The following MCM4 variants were observed in gnomAD, a reference collection of about 807,000 sequenced individuals.
The protein encoded by MCM4 is minichromosome maintenance complex component 4, also known as DNA replication licensing factor MCM4.
Under a neutral mutation model 88.7 loss-of-function variants are expected in MCM4, and 60 were observed. That is an observed-to-expected ratio of 0.68 (90% CI 0.55 to 0.84). The LOEUF is 0.84. Among genes scored for constraint, MCM4 ranks in the 40% least tolerant of loss-of-function variants. The pLI, the probability that MCM4 is intolerant of heterozygous loss-of-function variation, is 0.00. For missense variants in MCM4, 1,149 were observed against 1,105.5 expected (o/e 1.04, Z -0.56); for synonymous variants, 465 against 410.5 (o/e 1.13, Z -1.61).
chr8:47,964,440 C>T (rs1012816224), intron 7 of MCM4, 134 bp from the exon 8 acceptor site: 23 of 558,406 alleles, frequency 4.1e-5, no homozygotes, highest in East Asian at 3.7e-4. Context: ...GAAAACAGCA[C>T]GTGCATGATT....
rs886062980 is a variant in MCM4, at chr8:47,976,991, C to G, written c.*213C>G. The stretch of plus-strand genomic sequence containing the variant: ...AAATAAAAATACTATGCTGGCCGGG[C>G]GCGGTGGCTCACACCTGTAATCCCA... On this transcript the variant is annotated 3_prime_UTR_variant, in exon 17 of 17. Transcript: ENST00000649973. 1 of 370,078 alleles carries G rather than the reference C, an allele frequency of 2.7e-6. No individual in the cohort carries two copies. Among genetic ancestry groups the G allele is most frequent in the Non-Finnish European group, 5.1e-6 (1 of 194,342 alleles). 22.9% of individuals were successfully genotyped at this position (370,078 alleles called of 1,614,324 possible). A position where few individuals can be genotyped will look rare whatever the true frequency, so the allele number is the denominator to read the frequency against.
At chr8:47,964,744 G>A in intron 8 of MCM4, 32 bp downstream of exon 8, 2 of 1,515,508 alleles carry the variant, frequency 1.3e-6, no homozygotes, top group Non-Finnish European at 8.8e-7. Context: ...TACTTTTGTT[G>A]AAGGAAAATG....
intron 14 of MCM4, 113 bp downstream of exon 14, chr8:47,973,177 C>A: frequency 9.8e-7 from 1 of 1,021,086 alleles, no homozygotes; most frequent in South Asian, 1.6e-5. Flanking sequence ...ATACTGTTCT[C>A]TTCCTTGTTT....
intron 5 of MCM4, 56 bp from the exon 6 acceptor site, chr8:47,962,708 G>A: frequency 2.1e-6 from 2 of 938,170 alleles, no homozygotes; most frequent in South Asian, 3.0e-5. Flanking sequence ...TGTGTTTTTA[G>A]TAGTTGCCTG....
intron 13 of MCM4, among the ~76,000 whole-genome samples, chr8:47,972,338 C>G (rs1168337000): frequency 6.6e-6 from 1 of 151,950 alleles, no homozygotes; most frequent in Non-Finnish European, 1.5e-5. Flanking sequence ...CAGCCGTTCC[C>G]TGGGCCGACC....
Position 47,970,815 on chromosome 8 carries a change from A to T in MCM4, c.1739A>T (p.Asn580Ile). Residue 580 changes from asparagine to isoleucine, a missense_variant, in exon 12 of 17, where the codon AAT (asparagine) becomes ATT (isoleucine). Asn to Ile is a moderately radical substitution (Grantham distance 149, BLOSUM62 -3). Transcript: ENST00000649973. Reference protein sequence around the residue: ...ICCIDEFDKMNESTRSVLHEV... With the variant: ...ICCIDEFDKMIESTRSVLHEV... ...TGTATCGATGAGTTCGACAAGATGA[A>T]TGAAAGTACAAGATCGGTATTGCAT... 1 of 1,613,578 alleles carries T rather than the reference A, an allele frequency of 6.2e-7. No homozygotes were observed. Among genetic ancestry groups the T allele is most frequent in the South Asian group, 1.1e-5 (1 of 91,044 alleles).
chr8:47,967,266 A>G (rs1442851473), intron 9 of MCM4, 99 bp from the exon 10 acceptor site: 6 of 1,295,062 alleles, frequency 4.6e-6, no homozygotes, highest in African/African-American at 1.5e-5. Context: ...GGGGATATGC[A>G]CTGCAGCCTT....
At chr8:47,971,301 GTCA>G (rs760655474) in intron 12 of MCM4, 37 bp from the exon 13 acceptor site, 1 of 1,611,418 alleles carries the variant, frequency 6.2e-7, no homozygotes, top group Non-Finnish European at 8.5e-7. Flanking sequence ...AATTGCCAGC[GTCA>G]GGGAGAGGCT....
chr8:47,974,405 C>G (rs2090982732), intron 14 of MCM4: 1 of 290,812 alleles, frequency 3.4e-6, no homozygotes, highest in African/African-American at 2.1e-5. Flanking sequence ...CTTCTCCTCT[C>G]CCCACATGCC....
intron 16 of MCM4, among the ~76,000 whole-genome samples, chr8:47,976,422 T>C (rs1323855835): frequency 6.6e-6 from 1 of 152,194 alleles, no homozygotes; most frequent in African/African-American, 2.4e-5. Context: ...AACTATGCAG[T>C]CTTTCAGTGC....
chr8:47,970,391 C>T, intron 11 of MCM4, 120 bp from the exon 12 acceptor site: 2 of 1,312,082 alleles, frequency 1.5e-6, no homozygotes, highest in Non-Finnish European at 2.1e-6. Context: ...CCTTTTTATA[C>T]CTTCCTGTGA....
rs1589829084 is a variant in MCM4 at position 47,964,682 on chromosome 8, A to G, written c.802A>G (p.Thr268Ala). ...IQVRPFNALK[T>A]KNMRNLNPED... is the part of the protein sequence containing the mutation. ...AGTAAGACCATTCAACGCATTGAAG[A>G]CTAAGAATATGAGAAACCTGAATCC... Residue 268 changes from threonine (T) to alanine (A), a missense_variant, in exon 8 of 17, where the codon ACT (threonine) becomes GCT (alanine). By Grantham distance (58) the Thr-to-Ala change is moderately conservative. Transcript: ENST00000649973. 1.9e-6 allele frequency: 3 copies of G among 1,590,262 alleles called. No individual in the cohort carries two copies. The highest frequency in any genetic ancestry group is 1.2e-5 in the South Asian group (1 of 86,250).
At chr8:47,969,192 G>A (rs1207850642) in intron 10 of MCM4, 3 of 154,152 alleles carry the variant, frequency 1.9e-5, no homozygotes, top group Non-Finnish European at 4.3e-5. Flanking sequence ...CACGTCCTCG[G>A]GTCTATCATT....
In MCM4 at chr8:47,961,092, G is replaced by A. The variant is rs2090820585; in HGVS notation, c.-14-39G>A. The A allele has an allele frequency of 1.3e-6, 2 of 1,507,414 alleles. No individual in the cohort carries two copies. The allele number at this position is 1,507,414 out of a possible 1,614,324, so 93.4% of individuals were successfully genotyped here. ...CGCTGCGGAGCAGGGCAGGGAAGCCGGGAGGCGGGCCCGGCCCGAGCTTGT... is the reference window on the plus strand; with the variant it reads ...CGCTGCGGAGCAGGGCAGGGAAGCCAGGAGGCGGGCCCGGCCCGAGCTTGT... On this transcript the variant is annotated intron_variant, in intron 1 of 16. Coordinates refer to ENST00000649973, the MANE Select transcript of MCM4 (RefSeq NM_182746.3).
Position 47,961,024 on chromosome 8 carries a change from CG to C in MCM4, c.-15+11del. On this transcript the variant is annotated intron_variant, in intron 1 of 16. Coordinates refer to ENST00000649973, the MANE Select transcript of MCM4 (RefSeq NM_182746.3). ...CGGCCGCCTTTCCACGGTAACCGCGCGCCGGCGGGGAGGGCGTGGCGCGGAG... is the reference window on the plus strand; with the variant it reads ...CGGCCGCCTTTCCACGGTAACCGCGCCCGGCGGGGAGGGCGTGGCGCGGAG... 3.6e-6 allele frequency: 4 copies of C among 1,096,778 alleles called. No individual in the cohort carries two copies. Among genetic ancestry groups the C allele is most frequent in the Non-Finnish European group, 4.9e-6 (4 of 816,646 alleles). 67.9% of individuals were successfully genotyped at this position (1,096,778 alleles called of 1,614,324 possible).
At chr8:47,976,184 T>C (rs536279676) in intron 16 of MCM4, among the ~76,000 whole-genome samples, 173 of 151,774 alleles carry the variant, frequency 1.1e-3, no homozygotes, top group African/African-American at 4.0e-3. Context: ...TCCTAGCTAC[T>C]CAGGAGGCTT....
In MCM4 at chr8:47,961,179, G is replaced by A. The variant is rs1589826140; in HGVS notation, c.35G>A (p.Gly12Asp). The A allele has an allele frequency of 6.5e-7, 1 of 1,550,004 alleles. No individual in the cohort carries two copies. The highest frequency in any genetic ancestry group is 8.6e-7 in the Non-Finnish European group (1 of 1,158,184). ...SSPASTPSRR[G>D]SRRGRATPAQ... The stretch of plus-strand genomic sequence containing the variant: ...CCGGCGTCGACCCCGAGCCGCCGCG[G>A]CAGCCGGCGTGGAAGGGCCACCCCC... Residue 12 changes from glycine (G) to aspartate (D), a missense_variant, in exon 2 of 17, where the codon GGC (glycine) becomes GAC (aspartate). By Grantham distance (94) the Gly-to-Asp change is moderately conservative. Coordinates refer to ENST00000649973, the MANE Select transcript of MCM4 (RefSeq NM_182746.3).
chr8:47,971,486 TA>T lies in MCM4; in HGVS notation c.1928+19del, dbSNP rs1399722426. 5.6e-6 allele frequency: 9 copies of T among 1,612,796 alleles called. No homozygotes were observed. The Admixed American group carries it at 1.0e-4, about 18-fold the overall frequency. ...TTATCAAGGTATTAAAACAGATTTT[TA>T]TTTTGTTCATTTGTAGAATATTCAG... On this transcript the variant is annotated intron_variant, in intron 13 of 16. Transcript: ENST00000649973.
At chr8:47,968,506 T>C (rs1350641328) in intron 10 of MCM4, among the ~76,000 whole-genome samples, 1 of 152,204 alleles carries the variant, frequency 6.6e-6, no homozygotes, top group African/African-American at 2.4e-5. Flanking sequence ...TGATGATACA[T>C]GTGTGAGAGT....
Sources: gnomAD v4.1 joint callset for allele counts (sites outside exome capture counted in the v4.1 genomes callset) on GRCh38, gnomAD v4.1.1 for gene constraint, MANE v1.5 for transcripts, NCBI Gene and HGNC (gene_info 2026-07-23, HGNC 2026-07-21) for gene names.